DSCAM: variants seen among roughly 807,000 people sequenced by gnomAD.
DSCAM encodes the protein DS cell adhesion molecule, also known as cell adhesion molecule DSCAM.
DSCAM carries 47 observed loss-of-function variants against 217.7 expected under a neutral mutation model. The observed-to-expected ratio is 0.22, with a 90% CI of 0.17 to 0.28. The LOEUF is 0.28. Among genes scored for constraint, DSCAM ranks in the 10% least tolerant of loss-of-function variants. DSCAM has a pLI of 1.00. For synonymous variants in DSCAM, 1,056 were observed against 1,015.3 expected (o/e 1.04, Z -0.76); for missense variants, 2,080 against 2,618.3 (o/e 0.79, Z 4.49).
chr21:40,094,818 G>C (rs1441650278), intron 20 of DSCAM, among the ~76,000 whole-genome samples: 1 of 152,170 alleles, frequency 6.6e-6, no homozygotes, highest in African/African-American at 2.4e-5. Context: ...CAAGAATAAA[G>C]GTCAAGAATA....
intron 3 of DSCAM, among the ~76,000 whole-genome samples, chr21:40,464,972 C>T (rs1475274292): frequency 1.3e-5 from 2 of 152,146 alleles, no homozygotes; most frequent in Non-Finnish European, 2.9e-5. Context: ...ATCTCTTTAT[C>T]TCATGATCCG....
At chr21:40,459,922 AT>A (rs1412767070) in intron 3 of DSCAM, among the ~76,000 whole-genome samples, 1 of 152,196 alleles carries the variant, frequency 6.6e-6, no homozygotes, top group Non-Finnish European at 1.5e-5. Flanking sequence ...CTAAAATTGC[AT>A]TCCTATCGAA....
At position 40,144,634 on chromosome 21, in the gene DSCAM, C is replaced by T. The variant is rs2090333393; in HGVS notation, c.3116G>A (p.Ser1039Asn). 3.1e-6 allele frequency: 5 copies of T among 1,614,120 alleles called. No homozygotes were observed. Among genetic ancestry groups the T allele is most frequent in the Non-Finnish European group, 4.2e-6 (5 of 1,180,028 alleles). ...CTCACTGTCCCCGCTGGTGTCGACA[C>T]TGATAATGTTGAATTGGAAGTTACC... ...TGGNFQFNII[S>N]VDTSGDSEVY... Residue 1039 changes from serine to asparagine, a missense_variant, in exon 17 of 33, where the codon AGT becomes AAT. Coordinates refer to ENST00000400454, the MANE Select transcript of DSCAM (RefSeq NM_001389.5). This position sits in a 1 kb window ranked among gnomAD's most constrained non-coding sequence, Gnocchi z 4.8.
intron 3 of DSCAM, among the ~76,000 whole-genome samples, chr21:40,420,939 T>C (rs1569114770): frequency 6.6e-6 from 1 of 152,136 alleles, no homozygotes; most frequent in Admixed American, 6.5e-5. Flanking sequence ...ATGCATTTCT[T>C]TCGCTGTAAG....
intron 4 of DSCAM, among the ~76,000 whole-genome samples, chr21:40,364,604 A>C (rs1377305517): frequency 6.6e-6 from 1 of 151,498 alleles, no homozygotes; most frequent in Non-Finnish European, 1.5e-5. Flanking sequence ...GGTGCAGCAC[A>C]CCAACATGGC....
At chr21:40,196,354 G>A (rs187650552) in intron 11 of DSCAM, among the ~76,000 whole-genome samples, 7 of 152,120 alleles carry the variant, frequency 4.6e-5, no homozygotes, top group East Asian at 1.9e-4. Flanking sequence ...ATGGGATCAC[G>A]GGCTCTCAAC....
chr21:40,153,948 C>T (rs1263041418), intron 16 of DSCAM, among the ~76,000 whole-genome samples: 1 of 152,158 alleles, frequency 6.6e-6, no homozygotes, highest in Non-Finnish European at 1.5e-5. Context: ...AATAAATGCA[C>T]ATAAAACTGT....
At position 40,330,372 on chromosome 21, in the gene DSCAM, T is replaced by C. The variant is rs189590235; in HGVS notation, c.1783+7729A>G. 3.5e-3 allele frequency among the ~76,000 whole-genome samples: 496 copies of C among 141,196 alleles called. 2 individuals carry two copies. Among genetic ancestry groups the C allele is most frequent in the African/African-American group, 0.012 (470 of 38,158 alleles). The allele number at this position is 141,196 out of a possible 152,430, so 92.6% of individuals were successfully genotyped here. On this transcript the variant is annotated intron_variant, in intron 8 of 32. Coordinates refer to ENST00000400454, the MANE Select transcript of DSCAM (RefSeq NM_001389.5). ...ATATATAATAAATTATGCATATATT[T>C]ATATATGTATTATATAATAAATATA...
At chr21:40,799,896 A>T (rs989140827) in intron 1 of DSCAM, among the ~76,000 whole-genome samples, 3 of 152,306 alleles carry the variant, frequency 2.0e-5, no homozygotes, top group East Asian at 3.9e-4. Flanking sequence ...GAGACAGTAC[A>T]CTGCTTTGGT....
chr21:40,831,952 G>A (rs2092014966), intron 1 of DSCAM, among the ~76,000 whole-genome samples: 1 of 152,298 alleles, frequency 6.6e-6, no homozygotes, highest in Non-Finnish European at 1.5e-5. Flanking sequence ...AACTTCAAAT[G>A]AATGAATGTG....
chr21:40,361,463 C>A (rs1348983734), intron 4 of DSCAM, among the ~76,000 whole-genome samples: 1 of 151,884 alleles, frequency 6.6e-6, no homozygotes, highest in Non-Finnish European at 1.5e-5. Context: ...TACTAAAACA[C>A]AAAAAATTAG....
intron 11 of DSCAM, among the ~76,000 whole-genome samples, chr21:40,250,348 T>G (rs889737997): frequency 6.6e-6 from 1 of 152,228 alleles, no homozygotes; most frequent in East Asian, 1.9e-4. Context: ...AGATGAAGGC[T>G]ACTTCCTTTA....
chr21:40,765,030 G>A (rs1253022603), intron 1 of DSCAM, among the ~76,000 whole-genome samples: 3 of 151,816 alleles, frequency 2.0e-5, no homozygotes, highest in Non-Finnish European at 2.9e-5. Context: ...TGGGTTGATA[G>A]GTGCAGCAAA....
chr21:40,634,703 G>A (rs2089733128), intron 3 of DSCAM, among the ~76,000 whole-genome samples: 1 of 152,200 alleles, frequency 6.6e-6, no homozygotes, highest in African/African-American at 2.4e-5. Flanking sequence ...GAACTTCAGT[G>A]TATTCATTTG....
intron 11 of DSCAM, among the ~76,000 whole-genome samples, chr21:40,258,494 G>C (rs368329653): frequency 7.7e-4 from 118 of 152,304 alleles, no homozygotes; most frequent in South Asian, 5.8e-3. Flanking sequence ...TAAAGTAGAG[G>C]TTCCTCTTCA....
chr21:40,460,405 A>C (rs2075797158), intron 3 of DSCAM, among the ~76,000 whole-genome samples: 1 of 152,198 alleles, frequency 6.6e-6, no homozygotes, highest in African/African-American at 2.4e-5. Flanking sequence ...AAATATGGGA[A>C]ATTTTGTTTT....
rs543338971 is a variant in DSCAM, at chr21:40,562,763, C to G, written c.508+130047G>C. Among the ~76,000 whole-genome samples, 11 of 152,276 alleles carry G rather than the reference C, an allele frequency of 7.2e-5. No homozygotes were observed. The South Asian group carries it at 2.3e-3, about 32-fold the overall frequency. On this transcript the variant is annotated intron_variant, in intron 3 of 32. Transcript: ENST00000400454. ...CCCTGTATTTCAGTACCCAGTGCTG[C>G]TGGAGGTCACTATTGTGGCCCTAAA... is the stretch of plus-strand genomic sequence containing the variant.
At chr21:40,154,827 T>C (rs1310093285) in intron 16 of DSCAM, among the ~76,000 whole-genome samples, 1 of 152,216 alleles carries the variant, frequency 6.6e-6, no homozygotes, top group Admixed American at 6.5e-5. Context: ...TTATTTGAAA[T>C]AGGCACTGTC....
chr21:40,759,462 G>A (rs568923330), intron 1 of DSCAM, among the ~76,000 whole-genome samples: 9 of 152,284 alleles, frequency 5.9e-5, no homozygotes, highest in South Asian at 4.1e-4. Context: ...TAAAGTGCAC[G>A]TGACTCGCTT....
Sources: allele counts gnomAD v4.1 joint callset (sites outside exome capture counted in the v4.1 genomes callset), GRCh38; gene constraint gnomAD v4.1.1; non-coding constraint Gnocchi (gnomAD v3.1); transcripts MANE v1.5; gene names NCBI Gene and HGNC (gene_info 2026-07-23, HGNC 2026-07-21).